The following SGCZ variants were observed in gnomAD, a reference collection of about 807,000 sequenced individuals.
SGCZ encodes the protein sarcoglycan zeta.
Under a neutral mutation model 41.3 loss-of-function variants are expected in SGCZ, and 40 were observed. The observed-to-expected ratio is 0.97, with a 90% CI of 0.75 to 1.26. The LOEUF is 1.26. SGCZ is among the 50% of genes most tolerant of loss of function. The pLI is 0.00. For synonymous variants in SGCZ, 206 were observed against 137.5 expected, an observed-to-expected ratio of 1.50 and a Z score of -3.49; for missense variants, 552 against 369.8, an observed-to-expected ratio of 1.49 and a Z score of -4.04.
Position 14,275,399 on chromosome 8 carries a change from A to G in SGCZ, c.337-37720T>C, listed in dbSNP as rs1199296251. On this transcript the variant is annotated intron_variant, in intron 3 of 7. Coordinates refer to ENST00000382080, the MANE Select transcript of SGCZ (RefSeq NM_139167.4). ...TTGTAATAATTCACGTATTTAATCT[A>G]CTGTACAATCTAAAGGCTTCGAACA... 2.0e-5 allele frequency among the ~76,000 whole-genome samples: 3 copies of G among 152,212 alleles called. No individual in the cohort carries two copies. In the East Asian group the frequency reaches 5.8e-4, roughly 29 times the overall value.
At position 14,954,826 on chromosome 8, in the gene SGCZ, A is replaced by C. The variant is rs1401906978; in HGVS notation, c.39+282759T>G. Among the ~76,000 whole-genome samples the C allele has an allele frequency of 4.6e-5, 7 of 152,274 alleles. No individual in the cohort carries two copies. In the East Asian group the frequency reaches 1.4e-3, roughly 29 times the overall value. On this transcript the variant is annotated intron_variant, in intron 1 of 7. Coordinates refer to ENST00000382080, the MANE Select transcript of SGCZ (RefSeq NM_139167.4). Reference sequence around the variant, plus strand: ...AGCAAAGGACCCATTCTTATTCCTGACCAGAGCAACTTGCATAATAAATGT... The same window carrying C: ...AGCAAAGGACCCATTCTTATTCCTGCCCAGAGCAACTTGCATAATAAATGT...
chr8:14,911,813 C>A (rs1223234842), intron 1 of SGCZ, among the ~76,000 whole-genome samples: 1 of 151,714 alleles, frequency 6.6e-6, no homozygotes, highest in South Asian at 2.1e-4. Context: ...TAATTAGGTT[C>A]AGAAACAAGA....
In SGCZ at chr8:14,795,852, T is replaced by C. The variant is rs1801110027; in HGVS notation, c.40-240926A>G. 3.3e-5 allele frequency among the ~76,000 whole-genome samples: 5 copies of C among 152,106 alleles called. No homozygotes were observed. The South Asian group carries it at 1.0e-3, about 32-fold the overall frequency. On this transcript the variant is annotated intron_variant, in intron 1 of 7. Transcript: ENST00000382080. ...CCCTCCACCCTCCGAAAGATCCCAG[T>C]GTGTGTTGTTCCCCTCTATGTGTCC...
intron 1 of SGCZ, among the ~76,000 whole-genome samples, chr8:14,771,336 T>G (rs1212337168): frequency 6.6e-6 from 1 of 152,164 alleles, no homozygotes; most frequent in Non-Finnish European, 1.5e-5. Context: ...AGTAATGGAT[T>G]AAAATCACAT....
At chr8:14,486,611 C>T (rs2117017394) in intron 2 of SGCZ, among the ~76,000 whole-genome samples, 1 of 152,318 alleles carries the variant, frequency 6.6e-6, no homozygotes, top group African/African-American at 2.4e-5. Flanking sequence ...TCTTTCTCTG[C>T]TGCCCAGGCT....
At chr8:14,419,828 C>T (rs1799591175) in intron 2 of SGCZ, among the ~76,000 whole-genome samples, 1 of 151,920 alleles carries the variant, frequency 6.6e-6, no homozygotes, top group South Asian at 2.1e-4. Flanking sequence ...AATAAGCATA[C>T]GGAATACTGA....
intron 1 of SGCZ, among the ~76,000 whole-genome samples, chr8:14,860,511 G>C (rs376844825): frequency 1.4e-5 from 2 of 142,466 alleles, no homozygotes; most frequent in East Asian, 4.1e-4. Flanking sequence ...AAAAGAGACA[G>C]AATGAAAAGA....
Position 14,460,020 on chromosome 8 carries a change from T to A in SGCZ, c.234+94712A>T, listed in dbSNP as rs1462546669. ...TATATCCTGGTGAAAAAAGAGACCTTAGTGGGTTAAGTGAAATTCAAATAA... is the reference window on the plus strand; with the variant it reads ...TATATCCTGGTGAAAAAAGAGACCTAAGTGGGTTAAGTGAAATTCAAATAA... On this transcript the variant is annotated intron_variant, in intron 2 of 7. Transcript: ENST00000382080. Among the ~76,000 whole-genome samples, 3 of 152,170 alleles carry A rather than the reference T, an allele frequency of 2.0e-5. No individual in the cohort carries two copies. In the East Asian group the frequency reaches 5.8e-4, roughly 29 times the overall value.
At chr8:14,434,190 T>C (rs2117346084) in intron 2 of SGCZ, among the ~76,000 whole-genome samples, 1 of 152,330 alleles carries the variant, frequency 6.6e-6, no homozygotes, top group Non-Finnish European at 1.5e-5. Context: ...ACATGTGGCT[T>C]GCCAATGATC....
At chr8:14,648,150 A>C (rs1807285059) in intron 1 of SGCZ, among the ~76,000 whole-genome samples, 1 of 152,114 alleles carries the variant, frequency 6.6e-6, no homozygotes, top group Non-Finnish European at 1.5e-5. Flanking sequence ...ATTGGATGCT[A>C]AGGCTAACAA....
chr8:15,159,302 T>C (rs1799428250), intron 1 of SGCZ, among the ~76,000 whole-genome samples: 1 of 151,772 alleles, frequency 6.6e-6, no homozygotes, highest in South Asian at 2.1e-4. Flanking sequence ...TCTTCACATG[T>C]ATCCTTTCTA....
At chr8:15,156,720 G>A (rs1799339656) in intron 1 of SGCZ, among the ~76,000 whole-genome samples, 1 of 152,082 alleles carries the variant, frequency 6.6e-6, no homozygotes, top group Non-Finnish European at 1.5e-5. Context: ...AAGGCAGACG[G>A]ATCACCTGAG....
At chr8:14,323,335 A>C (rs1030378654) in intron 3 of SGCZ, among the ~76,000 whole-genome samples, 3 of 152,122 alleles carry the variant, frequency 2.0e-5, no homozygotes, top group African/African-American at 7.2e-5. Context: ...TTATGAAAAA[A>C]GTATAACCTT....
chr8:14,795,699 G>A (rs537573122), intron 1 of SGCZ, among the ~76,000 whole-genome samples: 10 of 151,996 alleles, frequency 6.6e-5, no homozygotes, highest in African/African-American at 2.2e-4. Flanking sequence ...CAAGTTCAGG[G>A]GTACAAGTGC....
rs189275333 is a variant in SGCZ at position 14,832,758 on chromosome 8, A to G, written c.40-277832T>C. Among the ~76,000 whole-genome samples, 224 of 152,242 alleles carry G rather than the reference A, an allele frequency of 1.5e-3. 2 individuals are homozygous for G. The highest frequency in any genetic ancestry group is 3.5e-3 in the Admixed American group (54 of 15,282). On this transcript the variant is annotated intron_variant, in intron 1 of 7. Coordinates refer to ENST00000382080, the MANE Select transcript of SGCZ (RefSeq NM_139167.4). Reference sequence around the variant, plus strand: ...ATCTGTGTGCTTTCCTATGAATATTAGGCTCAATAAAACATTACAGTGAAA... The same window carrying G: ...ATCTGTGTGCTTTCCTATGAATATTGGGCTCAATAAAACATTACAGTGAAA...
At chr8:14,147,350 T>A (rs114858369) in intron 5 of SGCZ, among the ~76,000 whole-genome samples, 3 of 151,700 alleles carry the variant, frequency 2.0e-5, no homozygotes, top group Admixed American at 1.3e-4. Context: ...ACACACAGAC[T>A]GAAAAGAAAG....
At chr8:14,688,555 T>C (rs1304570307) in intron 1 of SGCZ, among the ~76,000 whole-genome samples, 1 of 152,168 alleles carries the variant, frequency 6.6e-6, no homozygotes. Context: ...CTGATCTATA[T>C]CTCTGTTTTG....
At chr8:14,448,778 G>A (rs1800507358) in intron 2 of SGCZ, among the ~76,000 whole-genome samples, 1 of 152,098 alleles carries the variant, frequency 6.6e-6, no homozygotes, top group South Asian at 2.1e-4. Context: ...ACTCTCCTCA[G>A]TTCAACGTCT....
chr8:14,945,165 T>TGGGGGGGGGGGGGGGGGGG (rs796836743), intron 1 of SGCZ, among the ~76,000 whole-genome samples: 1 of 17,688 alleles, frequency 5.7e-5, no homozygotes, highest in Non-Finnish European at 1.0e-4. Flanking sequence ...TGTGGGTGGG[T>TGGGGGGGGGGGGGGGGGGG]GGGGGGGGTG....
Sources: gnomAD v4.1 joint callset for allele counts (sites outside exome capture counted in the v4.1 genomes callset) on GRCh38, gnomAD v4.1.1 for gene constraint, MANE v1.5 for transcripts, NCBI Gene and HGNC (gene_info 2026-07-23, HGNC 2026-07-21) for gene names.